The following FSTL4 variants were observed in gnomAD, a reference collection of about 807,000 sequenced individuals.
FSTL4 encodes the protein follistatin-related protein 4.
In FSTL4, 28 loss-of-function variants were observed where a neutral mutation model predicts 78.2. The observed-to-expected ratio is 0.36, with a 90% CI of 0.27 to 0.49. The LOEUF (loss-of-function observed/expected upper bound fraction) is 0.49, where lower values mean the gene tolerates loss of function less well. FSTL4 is among the 20% of genes least tolerant of loss of function. The probability of loss-of-function intolerance (pLI) is 0.98; values close to 1 mark genes in which losing one functional copy is unlikely to be tolerated. For missense variants in FSTL4, 922 were observed against 1,084.9 expected (o/e 0.85, Z 2.11); for synonymous variants, 422 against 440.5 (o/e 0.96, Z 0.53).
intron 3 of FSTL4, among the ~76,000 whole-genome samples, chr5:133,525,855 G>A (rs560338475): frequency 6.6e-6 from 1 of 152,252 alleles, no homozygotes; most frequent in African/African-American, 2.4e-5. Flanking sequence ...CTGAAGCCCT[G>A]GTTTACTCCA....
the FSTL4 span, among the ~76,000 whole-genome samples, chr5:133,725,237 A>G: frequency 6.6e-6 from 1 of 152,352 alleles, no homozygotes; most frequent in South Asian, 2.1e-4. Flanking sequence ...TTAGAATACC[A>G]TCATTAAAAG....
chr5:133,828,059 C>T, the FSTL4 span, among the ~76,000 whole-genome samples: 1 of 152,146 alleles, frequency 6.6e-6, no homozygotes, highest in Non-Finnish European at 1.5e-5. Flanking sequence ...AACTCCACCC[C>T]GGTGGACACA....
the FSTL4 span, among the ~76,000 whole-genome samples, chr5:133,735,344 A>G: frequency 6.6e-6 from 1 of 152,194 alleles, no homozygotes; most frequent in East Asian, 1.9e-4. Flanking sequence ...GTGCCTATTA[A>G]TTCCAGTTAT....
chr5:133,702,684 C>G, the FSTL4 span, among the ~76,000 whole-genome samples: 1 of 152,152 alleles, frequency 6.6e-6, no homozygotes, highest in Admixed American at 6.5e-5. Context: ...AGTTAATTAG[C>G]CTTATTCTAG....
chr5:133,568,692 C>T (rs1413222363), intron 2 of FSTL4, among the ~76,000 whole-genome samples: 1 of 152,160 alleles, frequency 6.6e-6, no homozygotes, highest in Non-Finnish European at 1.5e-5. Flanking sequence ...AGCCACAGAG[C>T]GTATTTTGCA....
chr5:133,767,846 G>T, the FSTL4 span, among the ~76,000 whole-genome samples: 1 of 152,186 alleles, frequency 6.6e-6, no homozygotes, highest in African/African-American at 2.4e-5. Context: ...ATAGGGCTCT[G>T]CAGGGGTGCT....
intron 6 of FSTL4, among the ~76,000 whole-genome samples, chr5:133,300,762 G>T (rs1476842500): frequency 6.6e-6 from 1 of 152,196 alleles, no homozygotes; most frequent in Non-Finnish European, 1.5e-5. Flanking sequence ...GCTGGAAGTG[G>T]CTCAGAAGAG....
chr5:133,571,757 A>C (rs1025120633), intron 2 of FSTL4, among the ~76,000 whole-genome samples: 1 of 152,218 alleles, frequency 6.6e-6, no homozygotes, highest in Admixed American at 6.5e-5. Context: ...TGAAAAATTC[A>C]ATAGGTGGAT....
At chr5:133,802,536 C>T in the FSTL4 span, among the ~76,000 whole-genome samples, 1 of 152,218 alleles carries the variant, frequency 6.6e-6, no homozygotes, top group African/African-American at 2.4e-5. Context: ...AGGGCGCTGG[C>T]CAGCCTTACC....
chr5:133,717,598 G>A, the FSTL4 span, among the ~76,000 whole-genome samples: 101 of 152,258 alleles, frequency 6.6e-4, no homozygotes, highest in African/African-American at 2.3e-3. Flanking sequence ...CAACCCCAGG[G>A]CAAACAATAA....
chr5:133,331,273 G>A lies in FSTL4; in HGVS notation c.410-14621C>T, dbSNP rs75007361. Among the ~76,000 whole-genome samples the A allele has an allele frequency of 0.011, 1,715 of 152,280 alleles. 64 individuals are homozygous for A. In the East Asian group the frequency reaches 0.13, roughly 11 times the overall value. ...ACTGGGGCAGTAGCAGTTTCTGAGCGGGCGTCTCACAGGCCTGGCAGCTCA... is the reference window on the plus strand; with the variant it reads ...ACTGGGGCAGTAGCAGTTTCTGAGCAGGCGTCTCACAGGCCTGGCAGCTCA... On this transcript the variant is annotated intron_variant, in intron 4 of 15. Coordinates refer to ENST00000265342, the MANE Select transcript of FSTL4 (RefSeq NM_015082.2).
intron 4 of FSTL4, among the ~76,000 whole-genome samples, chr5:133,320,932 G>A (rs570347804): frequency 8.4e-4 from 126 of 150,088 alleles, no homozygotes; most frequent in Middle Eastern, 3.5e-3. Flanking sequence ...GTATGAACCC[G>A]GGAGGCACAG....
intron 6 of FSTL4, among the ~76,000 whole-genome samples, chr5:133,257,880 A>G (rs1752421615): frequency 6.6e-6 from 1 of 152,234 alleles, no homozygotes; most frequent in African/African-American, 2.4e-5. Flanking sequence ...TTGCAAAAGG[A>G]GAGTATCCTA....
At chr5:133,712,313 G>C in the FSTL4 span, among the ~76,000 whole-genome samples, 3 of 152,186 alleles carry the variant, frequency 2.0e-5, no homozygotes, top group African/African-American at 7.2e-5. Flanking sequence ...CAATTGTGGT[G>C]CTTTATAAGT....
chr5:133,511,226 C>T (rs1190713406), intron 3 of FSTL4, among the ~76,000 whole-genome samples: 1 of 152,188 alleles, frequency 6.6e-6, no homozygotes, highest in Non-Finnish European at 1.5e-5. Flanking sequence ...GGGCCTGGGT[C>T]CCTGGTTAGG....
chr5:133,812,083 T>C, the FSTL4 span, among the ~76,000 whole-genome samples: 4 of 152,174 alleles, frequency 2.6e-5, no homozygotes, highest in Non-Finnish European at 5.9e-5. Context: ...ATCGTCCATA[T>C]GCCTCTCTTT....
chr5:133,330,140 C>T (rs1754309123), intron 4 of FSTL4, among the ~76,000 whole-genome samples: 1 of 152,194 alleles, frequency 6.6e-6, no homozygotes, highest in South Asian at 2.1e-4. Context: ...GACATCTGGC[C>T]TCCATGAGTG....
At chr5:133,406,087 G>A (rs1231840562) in intron 3 of FSTL4, among the ~76,000 whole-genome samples, 2 of 151,840 alleles carry the variant, frequency 1.3e-5, no homozygotes, top group Non-Finnish European at 2.9e-5. Flanking sequence ...TGTTAAATGC[G>A]AGGAAGGAAA....
chr5:133,637,486 A>T, the FSTL4 span, among the ~76,000 whole-genome samples: 1 of 152,102 alleles, frequency 6.6e-6, no homozygotes, highest in African/African-American at 2.4e-5. Context: ...CCCTGTGCTC[A>T]TGGAAGTTGC....
Sources: gnomAD v4.1 joint callset for allele counts (sites outside exome capture counted in the v4.1 genomes callset) on GRCh38, gnomAD v4.1.1 for gene constraint, MANE v1.5 for transcripts, NCBI Gene and HGNC (gene_info 2026-07-23, HGNC 2026-07-21) for gene names.